Variants in CDHR2 observed in about 807,000 individuals in gnomAD.
The protein encoded by CDHR2 is cadherin related family member 2.
In CDHR2, 104 loss-of-function variants were observed where a neutral mutation model predicts 138.6. That is an observed-to-expected ratio of 0.75 (90% CI 0.64 to 0.88). The LOEUF is 0.88. Among genes scored for constraint, CDHR2 ranks in the 40% least tolerant of loss-of-function variants. CDHR2 has a pLI of 0.00. For synonymous variants in CDHR2, 755 were observed against 742.8 expected, an observed-to-expected ratio of 1.02 and a Z score of -0.27; for missense variants, 1,624 against 1,727.6, an observed-to-expected ratio of 0.94 and a Z score of 1.06.
intron 5 of CDHR2, among the ~76,000 whole-genome samples, chr5:176,569,521 A>G (rs1758173960): frequency 6.6e-6 from 1 of 151,976 alleles, no homozygotes; most frequent in South Asian, 2.1e-4. Context: ...TGACCTTGTG[A>G]TCCGCCCGCC....
intron 1 of CDHR2, among the ~76,000 whole-genome samples, chr5:176,558,595 G>A (rs1237041320): frequency 5.9e-5 from 9 of 152,038 alleles, no homozygotes; most frequent in African/African-American, 2.2e-4. Flanking sequence ...ATGTTGGTCA[G>A]GCTGGTCTCA....
intron 20 of CDHR2, 31 bp from the exon 21 acceptor site, chr5:176,586,739 TCCAGGTGGGCAGTGTCCCGACCC>T: frequency 1.3e-6 from 2 of 1,527,240 alleles, no homozygotes; most frequent in Non-Finnish European, 1.8e-6. Flanking sequence ...CCAGCCTTGG[TCCAGGTGGGCAGTGTCCCGACCC>T]CGCTGACCCC....
chr5:176,588,478 T>G (rs1216802839), intron 21 of CDHR2, among the ~76,000 whole-genome samples: 10 of 149,962 alleles, frequency 6.7e-5, no homozygotes. Context: ...TATGTGAGTG[T>G]GAGAGGATAA....
chr5:176,581,622 C>T, intron 17 of CDHR2, 40 bp downstream of exon 17: 1 of 1,553,026 alleles, frequency 6.4e-7, no homozygotes, highest in African/African-American at 1.4e-5. Flanking sequence ...GGGGGCCTCC[C>T]AAGCCGATAG....
chr5:176,593,517 G>A (rs1391729538), intron 31 of CDHR2, among the ~76,000 whole-genome samples: 1 of 152,206 alleles, frequency 6.6e-6, no homozygotes, highest in Non-Finnish European at 1.5e-5. Context: ...CCTGGACATG[G>A]AGGGGTGGCT....
chr5:176,569,287 G>T (rs1318493311), intron 5 of CDHR2, among the ~76,000 whole-genome samples: 39 of 141,104 alleles, frequency 2.8e-4, no homozygotes, highest in Middle Eastern at 3.8e-3. Context: ...TAAATTAAAT[G>T]TTTTTTTTTT....
intron 22 of CDHR2, 56 bp downstream of exon 22, chr5:176,589,238 T>G: frequency 6.2e-7 from 1 of 1,606,784 alleles, no homozygotes. Context: ...ATAGGAGCTT[T>G]CAGGCAGCAA....
chr5:176,565,660 G>C lies in CDHR2; in HGVS notation c.53-12G>C. The C allele has an allele frequency of 6.2e-7, 1 of 1,612,548 alleles. No homozygotes were observed. Among genetic ancestry groups the C allele is most frequent in the East Asian group, 2.2e-5 (1 of 44,806 alleles). ...GGGTGTCCCGATGTTCCAGCACACT[G>C]TGTCCCTACAGTGGCAGCCAACGTG... On this transcript the variant is annotated splice_polypyrimidine_tract_variant and intron_variant, in intron 2 of 31. Transcript: ENST00000261944.
chr5:176,544,382 TC>T (rs1289874328), upstream of CDHR2, among the ~76,000 whole-genome samples: 4 of 149,498 alleles, frequency 2.7e-5, no homozygotes, highest in Non-Finnish European at 4.5e-5. Flanking sequence ...TTCCTTTTTT[TC>T]TTCCTTTTTT....
Position 176,586,873 on chromosome 5 carries a change from A to T in CDHR2, c.2856+31A>T, listed in dbSNP as rs1460887108. On this transcript the variant is annotated intron_variant, in intron 21 of 31. Coordinates refer to ENST00000261944, the MANE Select transcript of CDHR2 (RefSeq NM_017675.6). Reference sequence around the variant, plus strand: ...TTCTTGGCTCCAGCCTTTGTTGGTCATATGAGCCCCAGGGGACACAGGGCT... The same window carrying T: ...TTCTTGGCTCCAGCCTTTGTTGGTCTTATGAGCCCCAGGGGACACAGGGCT... 4 of 1,594,024 alleles carry T rather than the reference A, an allele frequency of 2.5e-6. No individual in the cohort carries two copies. In the Admixed American group the frequency reaches 5.2e-5, roughly 21 times the overall value.
Position 176,576,041 on chromosome 5 carries a change from A to G in CDHR2, c.1050A>G (p.Lys350=). The G allele has an allele frequency of 6.2e-7, 1 of 1,613,666 alleles. No homozygotes were observed. Among genetic ancestry groups the G allele is most frequent in the Non-Finnish European group, 8.5e-7 (1 of 1,179,964 alleles). ...GAGTGATGGACGTCAATGACCACAA[A>G]CCTGAGTTTTACAACTGCAGCCTCC... ...TVRVMDVNDH[K]PEFYNCSLPA... Residue 350 remains lysine, a synonymous_variant, in exon 12 of 32, where the codon AAA becomes AAG. Transcript: ENST00000261944. The surrounding 1 kb of genome is among the most constrained non-coding windows in gnomAD (Gnocchi z 4.5).
Position 176,553,092 on chromosome 5 carries a change from C to A in CDHR2, c.-16+3678C>A, listed in dbSNP as rs1034223113. On this transcript the variant is annotated intron_variant, in intron 1 of 31. Transcript: ENST00000261944. The surrounding 1 kb of genome is among the most constrained non-coding windows in gnomAD (Gnocchi z 4.3). ...ACACTTCCATGAGGGAGAAGCGTGGCGTGTATGGGGAAGGGGCTGTAGGGG... is the reference window on the plus strand; with the variant it reads ...ACACTTCCATGAGGGAGAAGCGTGGAGTGTATGGGGAAGGGGCTGTAGGGG... Among the ~76,000 whole-genome samples the A allele has an allele frequency of 6.6e-6, 1 of 151,688 alleles. No homozygotes were observed. The highest frequency in any genetic ancestry group is 1.5e-5 in the Non-Finnish European group (1 of 67,946).
At chr5:176,578,308 T>G (rs1336437442) in intron 15 of CDHR2, 57 bp from the exon 16 acceptor site, 11 of 1,512,344 alleles carry the variant, frequency 7.3e-6, no homozygotes, top group Non-Finnish European at 9.0e-6. Context: ...TATCTGAAAT[T>G]CACACTGAAA....
At chr5:176,550,773 A>C (rs549251786) in intron 1 of CDHR2, among the ~76,000 whole-genome samples, 1 of 151,990 alleles carries the variant, frequency 6.6e-6, no homozygotes, top group African/African-American at 2.4e-5. Context: ...CCCCACCCTG[A>C]CCCTCCTGGA....
Position 176,577,515 on chromosome 5 carries a change from G to A in CDHR2, c.1311G>A (p.Ala437=), listed in dbSNP as rs749764857. 11 of 1,613,234 alleles carry A rather than the reference G, an allele frequency of 6.8e-6. No individual in the cohort carries two copies. The highest frequency in any genetic ancestry group is 2.2e-5 in the East Asian group (1 of 44,854). The part of the protein sequence containing the change: ...ASVQVLVRVS[A]LVDYERQTAM... ...TTCAGGTGCTGGTGAGAGTATCCGC[G>A]CTGGTGGACTACGAGAGGCAGACGG... Residue 437 remains alanine (A), a synonymous_variant, in exon 13 of 32, where the codon GCG becomes GCA. Transcript: ENST00000261944.
At chr5:176,552,251 ACTGCCTGAACACAGCT>A (rs1757722254) in intron 1 of CDHR2, among the ~76,000 whole-genome samples, 1 of 152,236 alleles carries the variant, frequency 6.6e-6, no homozygotes, top group African/African-American at 2.4e-5. Context: ...GGGGCCACCA[ACTGCCTGAACACAGCT>A]CCACAGCTGA....
intron 21 of CDHR2, among the ~76,000 whole-genome samples, chr5:176,587,634 T>G (rs1758701325): frequency 6.6e-6 from 1 of 151,942 alleles, no homozygotes; most frequent in Admixed American, 6.6e-5. Context: ...CTGCCTACCC[T>G]CTCTGGGACT....
chr5:176,564,448 G>A (rs771197161), intron 1 of CDHR2, among the ~76,000 whole-genome samples: 7 of 152,158 alleles, frequency 4.6e-5, no homozygotes, highest in Non-Finnish European at 1.0e-4. Flanking sequence ...TCGGCCTCCC[G>A]AAGTGCTGGG....
chr5:176,590,182 G>C, intron 25 of CDHR2, 36 bp downstream of exon 25: 2 of 1,611,606 alleles, frequency 1.2e-6, no homozygotes, highest in Non-Finnish European at 8.5e-7. Flanking sequence ...GGGTTGAGGG[G>C]GAGAAGCGGT....
Sources: allele counts gnomAD v4.1 joint callset (sites outside exome capture counted in the v4.1 genomes callset), GRCh38; gene constraint gnomAD v4.1.1; non-coding constraint Gnocchi (gnomAD v3.1); transcripts MANE v1.5; gene names NCBI Gene and HGNC (gene_info 2026-07-23, HGNC 2026-07-21).